Variants in THSD7A observed in about 807,000 individuals in gnomAD.
The protein encoded by THSD7A is thrombospondin type 1 domain containing 7A.
A neutral mutation model predicts 231.3 loss-of-function variants in THSD7A; 96 were observed. The ratio of observed to expected loss-of-function variants is 0.41; its 90% CI spans 0.35 to 0.49. THSD7A has a LOEUF of 0.49. Among genes scored for constraint, THSD7A ranks in the 20% least tolerant of loss-of-function variants. THSD7A has a pLI of 0.05. For synonymous variants in THSD7A, 940 were observed against 743.3 expected (o/e 1.26, Z -4.30); for missense variants, 2,290 against 2,070.2 (o/e 1.11, Z -2.06).
At chr7:11,505,621 CATA>C (rs1787512997) in intron 6 of THSD7A, among the ~76,000 whole-genome samples, 1 of 152,078 alleles carries the variant, frequency 6.6e-6, no homozygotes, top group South Asian at 2.1e-4. Flanking sequence ...AAAGAATTCA[CATA>C]ATAAAAGGCT....
At chr7:11,645,625 C>G (rs1202557890) in intron 1 of THSD7A, among the ~76,000 whole-genome samples, 4 of 151,658 alleles carry the variant, frequency 2.6e-5, no homozygotes, top group African/African-American at 9.7e-5. Flanking sequence ...TTAAAGGTAC[C>G]TTTCAAACAG....
chr7:11,726,947 A>G (rs1781567699), intron 1 of THSD7A, among the ~76,000 whole-genome samples: 1 of 151,934 alleles, frequency 6.6e-6, no homozygotes, highest in Non-Finnish European at 1.5e-5. Flanking sequence ...GGTTTGGCAC[A>G]CAGCTCTAGG....
intron 1 of THSD7A, among the ~76,000 whole-genome samples, chr7:11,770,187 C>T (rs1247899877): frequency 6.6e-6 from 1 of 151,870 alleles, no homozygotes; most frequent in Non-Finnish European, 1.5e-5. Context: ...TTGAATCACC[C>T]TCTATTATAT....
chr7:11,407,476 C>T, intron 19 of THSD7A, 53 bp from the exon 20 acceptor site: 3 of 1,351,392 alleles, frequency 2.2e-6, no homozygotes, highest in Non-Finnish European at 3.1e-6. Flanking sequence ...GGGAGGGAGC[C>T]AGAGAATGAG....
chr7:11,795,785 T>C (rs1345671912), intron 1 of THSD7A, among the ~76,000 whole-genome samples: 1 of 151,488 alleles, frequency 6.6e-6, no homozygotes, highest in Non-Finnish European at 1.5e-5. Context: ...GAAGAGGCCC[T>C]GGGAAATGTG....
At chr7:11,626,230 G>A (rs1781469627) in intron 2 of THSD7A, among the ~76,000 whole-genome samples, 1 of 151,950 alleles carries the variant, frequency 6.6e-6, no homozygotes, top group African/African-American at 2.4e-5. Flanking sequence ...TCCTAAGACG[G>A]TAGGTCTTAT....
At chr7:11,475,331 G>C (rs2128302630) in intron 7 of THSD7A, among the ~76,000 whole-genome samples, 2 of 152,176 alleles carry the variant, frequency 1.3e-5, no homozygotes, top group South Asian at 4.1e-4. Flanking sequence ...GTACCGAATT[G>C]GAACAGCATT....
At chr7:11,643,985 A>G (rs1403708479) in intron 1 of THSD7A, among the ~76,000 whole-genome samples, 1 of 151,326 alleles carries the variant, frequency 6.6e-6, no homozygotes, top group Non-Finnish European at 1.5e-5. Flanking sequence ...CTGTTCCTCC[A>G]AGTCTGAGCT....
intron 1 of THSD7A, among the ~76,000 whole-genome samples, chr7:11,718,149 G>A (rs1002510849): frequency 1.3e-5 from 2 of 151,718 alleles, no homozygotes; most frequent in African/African-American, 4.8e-5. Context: ...TTGAGAACAA[G>A]TTAACTTTAT....
intron 2 of THSD7A, among the ~76,000 whole-genome samples, chr7:11,610,771 A>G (rs1780895858): frequency 6.6e-6 from 1 of 152,194 alleles, no homozygotes; most frequent in Non-Finnish European, 1.5e-5. Context: ...GGAAAAATGA[A>G]AACTCATTAC....
chr7:11,462,224 C>T, intron 9 of THSD7A, 81 bp from the exon 10 acceptor site: 1 of 1,465,856 alleles, frequency 6.8e-7, no homozygotes, highest in South Asian at 1.4e-5. Flanking sequence ...GAAGAAATTA[C>T]ATTGCCTCCA....
intron 1 of THSD7A, among the ~76,000 whole-genome samples, chr7:11,683,418 A>G (rs1783944569): frequency 6.6e-6 from 1 of 152,058 alleles, no homozygotes; most frequent in Non-Finnish European, 1.5e-5. Context: ...AAATCTATAC[A>G]AAAATCAGTG....
In THSD7A at chr7:11,547,786, G is replaced by C. The variant is rs545252292; in HGVS notation, c.1454-4669C>G. Among the ~76,000 whole-genome samples, 8 of 152,174 alleles carry C rather than the reference G, an allele frequency of 5.3e-5. No homozygotes were observed. The East Asian group carries it at 1.2e-3, about 22-fold the overall frequency. ...CTTTTGGGTAATCAATGAGATTTAG[G>C]CACAAATAAAGAAATTCTTTGAAAT... On this transcript the variant is annotated intron_variant, in intron 4 of 27. Transcript: ENST00000423059.
chr7:11,818,690 A>G (rs1247705914), intron 1 of THSD7A, among the ~76,000 whole-genome samples: 1 of 152,218 alleles, frequency 6.6e-6, no homozygotes, highest in East Asian at 1.9e-4. Flanking sequence ...AGAGTCCGCT[A>G]GGGATACAGG....
At chr7:11,704,347 C>T (rs1474784361) in intron 1 of THSD7A, among the ~76,000 whole-genome samples, 2 of 150,940 alleles carry the variant, frequency 1.3e-5, no homozygotes, top group African/African-American at 2.4e-5. Flanking sequence ...GGTATATATA[C>T]TGAAATATTT....
intron 1 of THSD7A, among the ~76,000 whole-genome samples, chr7:11,762,129 A>AT (rs532900449): frequency 8.7e-4 from 132 of 152,176 alleles, no homozygotes; most frequent in African/African-American, 3.0e-3. Context: ...TACCTACCAC[A>AT]TTTTTTTATC....
intron 4 of THSD7A, among the ~76,000 whole-genome samples, chr7:11,565,617 G>A (rs1393671224): frequency 7.4e-6 from 1 of 136,032 alleles, no homozygotes; most frequent in African/African-American, 2.9e-5. Flanking sequence ...TGGTTGTGGG[G>A]GTTAGAGAGA....
At chr7:11,608,320 A>C (rs942870433) in intron 2 of THSD7A, among the ~76,000 whole-genome samples, 4 of 152,190 alleles carry the variant, frequency 2.6e-5, no homozygotes, top group African/African-American at 9.6e-5. Context: ...GGTAACCAAA[A>C]GATGTTTTAG....
chr7:11,747,247 C>A (rs1008462961), intron 1 of THSD7A, among the ~76,000 whole-genome samples: 1 of 151,956 alleles, frequency 6.6e-6, no homozygotes, highest in African/African-American at 2.4e-5. Context: ...TTCTTACAAT[C>A]ACTTTTATTC....
Sources: gnomAD v4.1 joint callset for allele counts (sites outside exome capture counted in the v4.1 genomes callset) on GRCh38, gnomAD v4.1.1 for gene constraint, MANE v1.5 for transcripts, NCBI Gene and HGNC (gene_info 2026-07-23, HGNC 2026-07-21) for gene names.